The following SLC4A5 variants were observed in gnomAD, a reference collection of about 807,000 sequenced individuals.
SLC4A5 encodes the protein electrogenic sodium bicarbonate cotransporter 4.
In SLC4A5, 96 loss-of-function variants were observed where a neutral mutation model predicts 120.4. The observed-to-expected ratio is 0.80, with a 90% CI of 0.68 to 0.94. The LOEUF is 0.94. Ranked by LOEUF, SLC4A5 falls within the 40% of genes least tolerant of loss-of-function variation. The probability of loss-of-function intolerance (pLI) is 0.00; values close to 1 mark genes in which losing one functional copy is unlikely to be tolerated. For synonymous variants in SLC4A5, 550 were observed against 571.1 expected, an observed-to-expected ratio of 0.96 and a Z score of 0.53; for missense variants, 1,259 against 1,459.5, an observed-to-expected ratio of 0.86 and a Z score of 2.24.
exon 23 of SLC4A5, chr2:74,233,429 A>C (rs1670163168): frequency 1.2e-6 from 2 of 1,614,210 alleles, no homozygotes; most frequent in South Asian, 2.2e-5. Context: ...TCCGGTTGAC[A>C]ATGACGGCAG....
intron 5 of SLC4A5, among the ~76,000 whole-genome samples, chr2:74,318,253 A>G (rs978351185): frequency 6.6e-6 from 1 of 152,238 alleles, no homozygotes; most frequent in African/African-American, 2.4e-5. Context: ...GGCAAAGGAC[A>G]TGAACAGATA....
chr2:74,307,553 G>A (rs1406197188), intron 6 of SLC4A5: 38 of 644,502 alleles, frequency 5.9e-5, no homozygotes, highest in Admixed American at 9.1e-5. Context: ...GGGCACTGTC[G>A]ATCTGCACAA....
intron 3 of SLC4A5, among the ~76,000 whole-genome samples, chr2:74,337,711 C>T (rs999135133): frequency 1.4e-4 from 21 of 152,118 alleles, no homozygotes; most frequent in African/African-American, 4.6e-4. Flanking sequence ...ATCTCTGCTC[C>T]GAAATTAAAT....
At chr2:74,305,747 C>T (rs1412309468) in intron 6 of SLC4A5, among the ~76,000 whole-genome samples, 7 of 108,902 alleles carry the variant, frequency 6.4e-5, no homozygotes, top group East Asian at 3.0e-4. Flanking sequence ...TTTTTTGAGA[C>T]GGAGTCTTGC....
At chr2:74,230,805 TCTTTC>T (rs1418949409) in intron 25 of SLC4A5, among the ~76,000 whole-genome samples, 1 of 152,122 alleles carries the variant, frequency 6.6e-6, no homozygotes, top group East Asian at 1.9e-4. Context: ...CTTTTTCTTT[TCTTTC>T]TTTTTTTTGT....
At chr2:74,221,774 G>A (rs1694657790) in intron 29 of SLC4A5, among the ~76,000 whole-genome samples, 1 of 152,042 alleles carries the variant, frequency 6.6e-6, no homozygotes, top group Non-Finnish European at 1.5e-5. Flanking sequence ...AGATCTTGAG[G>A]TACCTATGAT....
chr2:74,262,616 T>C (rs914483541), intron 10 of SLC4A5, among the ~76,000 whole-genome samples: 2 of 151,912 alleles, frequency 1.3e-5, no homozygotes, highest in African/African-American at 4.8e-5. Context: ...GGAGAATCAC[T>C]TGAATCCAGG....
intron 4 of SLC4A5, among the ~76,000 whole-genome samples, chr2:74,329,828 TG>T (rs1186363111): frequency 6.6e-6 from 1 of 151,478 alleles, no homozygotes; most frequent in African/African-American, 2.4e-5. Context: ...GAGGTGTAGA[TG>T]GGGGGTGAAG....
intron 30 of SLC4A5, among the ~76,000 whole-genome samples, chr2:74,220,240 G>GT (rs1398476191): frequency 1.3e-5 from 2 of 152,150 alleles, no homozygotes; most frequent in African/African-American, 2.4e-5. Context: ...TTTTTCACGG[G>GT]TGGCTTCTCA....
At chr2:74,227,059 C>G (rs779093377) in exon 27 of SLC4A5, 3 of 1,614,130 alleles carry the variant, frequency 1.9e-6, no homozygotes, top group Non-Finnish European at 2.5e-6. Context: ...GGCGCAGCGG[C>G]ACGTGCCGCA....
intron 3 of SLC4A5, among the ~76,000 whole-genome samples, chr2:74,335,429 G>T (rs1673457939): frequency 6.6e-6 from 1 of 152,166 alleles, no homozygotes; most frequent in Non-Finnish European, 1.5e-5. Context: ...CCAAGCAAGG[G>T]CTGGCCCCTT....
At position 74,307,192 on chromosome 2, in the gene SLC4A5, C is replaced by G. The variant is rs1445321727; in HGVS notation, c.80-2512G>C. On this transcript the variant is annotated intron_variant, in intron 6 of 30. Transcript: ENST00000394019. ...ATGGTGACCACTGTGGTGCTCTCCT[C>G]CATCTGCTGAGAGCAGTACTTGTCT... 5 of 551,434 alleles carry G rather than the reference C, an allele frequency of 9.1e-6. No homozygotes were observed. In the African/African-American group the frequency reaches 9.4e-5, roughly 10 times the overall value. The allele number at this position is 551,434 out of a possible 1,614,324, so 34.2% of individuals were successfully genotyped here.
At chr2:74,252,364 C>T (rs762032201) in exon 16 of SLC4A5, 2 of 1,613,782 alleles carry the variant, frequency 1.2e-6, no homozygotes, top group South Asian at 2.2e-5. Flanking sequence ...TCTGGCCCAG[C>T]TCTGCTAGGG....
chr2:74,326,684 T>C (rs1673224018), intron 5 of SLC4A5, among the ~76,000 whole-genome samples: 1 of 152,080 alleles, frequency 6.6e-6, no homozygotes, highest in Admixed American at 6.6e-5. Context: ...CCGAGTGTGG[T>C]GGTGCACGCC....
intron 7 of SLC4A5, among the ~76,000 whole-genome samples, chr2:74,286,444 G>C (rs1286569425): frequency 2.6e-5 from 4 of 152,050 alleles, no homozygotes; most frequent in Non-Finnish European, 5.9e-5. Flanking sequence ...TCACTTCCTG[G>C]GTGTCTCCCA....
intron 7 of SLC4A5, among the ~76,000 whole-genome samples, chr2:74,303,895 G>C (rs1672552983): frequency 6.6e-6 from 1 of 150,764 alleles, no homozygotes; most frequent in Non-Finnish European, 1.5e-5. Context: ...TGTCGCCCAG[G>C]CTGGAGTGCA....
At chr2:74,224,990 C>T (rs997145829) in exon 28 of SLC4A5, 3 of 1,613,918 alleles carry the variant, frequency 1.9e-6, no homozygotes, top group Non-Finnish European at 1.7e-6. Context: ...TGATGAGGCC[C>T]AGGATCTGTG....
intron 4 of SLC4A5, 64 bp downstream of exon 4, chr2:74,333,963 C>T (rs1000911912): frequency 6.6e-5 from 10 of 152,316 alleles, no homozygotes; most frequent in African/African-American, 2.4e-4. Flanking sequence ...CATTTGGGGG[C>T]CCTGGCAGGC....
intron 7 of SLC4A5, among the ~76,000 whole-genome samples, chr2:74,291,982 T>C (rs1041835131): frequency 2.6e-5 from 4 of 151,500 alleles, no homozygotes; most frequent in Admixed American, 6.5e-5. Flanking sequence ...CCCTCTTTAT[T>C]CATGTGGTGT....
Sources: allele counts gnomAD v4.1 joint callset (sites outside exome capture counted in the v4.1 genomes callset), GRCh38; gene constraint gnomAD v4.1.1; transcripts MANE v1.5; gene names NCBI Gene and HGNC (gene_info 2026-07-23, HGNC 2026-07-21).